The following CSMD1 variants were observed in gnomAD, a reference collection of about 807,000 sequenced individuals.
CSMD1 encodes CUB and sushi domain-containing protein 1.
CSMD1 carries 213 observed loss-of-function variants against 417.5 expected under a neutral mutation model. That is an observed-to-expected ratio of 0.51 (90% CI 0.46 to 0.57). The LOEUF (loss-of-function observed/expected upper bound fraction) is 0.57. CSMD1 is among the 20% of genes least tolerant of loss of function. The pLI is 0.00. For synonymous variants in CSMD1, 2,862 were observed against 1,736.8 expected (o/e 1.65, Z -16.11); for missense variants, 6,923 against 4,529.7 (o/e 1.53, Z -15.17).
chr8:4,019,527 G>A (rs925300586), intron 4 of CSMD1, among the ~76,000 whole-genome samples: 1 of 152,180 alleles, frequency 6.6e-6, no homozygotes, highest in Non-Finnish European at 1.5e-5. Context: ...GGTTACCCAA[G>A]AGACATTCCC....
At chr8:2,953,166 A>T in intron 65 of CSMD1, among the ~76,000 whole-genome samples, 1 of 152,200 alleles carries the variant, frequency 6.6e-6, no homozygotes, top group East Asian at 1.9e-4. Flanking sequence ...CCATTGAAGA[A>T]CATGTTGCCT....
chr8:3,777,686 A>C (rs1234354245), intron 5 of CSMD1, among the ~76,000 whole-genome samples: 1 of 152,224 alleles, frequency 6.6e-6, no homozygotes, highest in Non-Finnish European at 1.5e-5. Flanking sequence ...CTCAGGACCC[A>C]CGCCAGACCT....
intron 1 of CSMD1, among the ~76,000 whole-genome samples, chr8:4,907,946 A>G (rs1805409915): frequency 6.6e-6 from 1 of 152,208 alleles, no homozygotes; most frequent in African/African-American, 2.4e-5. Context: ...GATAGAAAAT[A>G]AAAGTAAGGT....
Position 3,619,805 on chromosome 8 carries a change from G to C in CSMD1, c.1010-3008C>G, listed in dbSNP as rs560613958. Among the ~76,000 whole-genome samples, 334 of 152,304 alleles carry C rather than the reference G, an allele frequency of 2.2e-3. 2 individuals are homozygous for C. The highest frequency in any genetic ancestry group is 7.6e-3 in the African/African-American group (316 of 41,560). On this transcript the variant is annotated intron_variant, in intron 7 of 69. Coordinates refer to ENST00000635120, the MANE Select transcript of CSMD1 (RefSeq NM_033225.6). ...GAAAGCAATGGATAGGCTGGGCACG[G>C]TGGCTCACACAACGTAATATATTCA...
intron 49 of CSMD1, among the ~76,000 whole-genome samples, chr8:3,074,602 A>C (rs1813516189): frequency 6.6e-6 from 1 of 152,224 alleles, no homozygotes. Context: ...ACTTTCAAGA[A>C]ATTGTATCCT....
At chr8:3,847,552 G>A (rs752714510) in intron 5 of CSMD1, among the ~76,000 whole-genome samples, 48 of 152,266 alleles carry the variant, frequency 3.2e-4, no homozygotes, top group Admixed American at 7.8e-4. Flanking sequence ...GACTGAAGGA[G>A]TCCTTGACTG....
intron 1 of CSMD1, among the ~76,000 whole-genome samples, chr8:4,656,341 G>C (rs543947546): frequency 5.3e-5 from 8 of 152,144 alleles, no homozygotes; most frequent in Admixed American, 4.6e-4. Flanking sequence ...GAGAAGGTCA[G>C]ACCAGGCATG....
At chr8:4,049,693 A>C (rs7828738) in intron 3 of CSMD1, among the ~76,000 whole-genome samples, 24,416 of 152,140 alleles carry the variant, frequency 0.16, 2,107 homozygotes, top group Middle Eastern at 0.21. Context: ...ATGAATTCTT[A>C]ATAAATTTTC....
intron 10 of CSMD1, among the ~76,000 whole-genome samples, chr8:3,541,645 C>A (rs563890830): frequency 2.0e-5 from 3 of 149,706 alleles, no homozygotes; most frequent in South Asian, 2.1e-4. Flanking sequence ...CTTCACTAAT[C>A]AAATTAATCA....
chr8:3,205,517 T>G lies in CSMD1; in HGVS notation c.4971A>C (p.Val1657=). Residue 1657 remains valine (V), a synonymous_variant, in exon 31 of 70, where the codon GTA becomes GTC. Coordinates refer to ENST00000635120, the MANE Select transcript of CSMD1 (RefSeq NM_033225.6). ...GGACATCCTTACCGAATTCCTTTGGTACCGTGATGGAATAGAGGCATATTT... is the reference window on the plus strand; with the variant it reads ...GGACATCCTTACCGAATTCCTTTGGGACCGTGATGGAATAGAGGCATATTT... ...AGQICLYSIT[V]PKEFVVFGQF... 6.5e-7 allele frequency: 1 copy of G among 1,548,898 alleles called. No individual in the cohort carries two copies. The highest frequency in any genetic ancestry group is 1.2e-5 in the South Asian group (1 of 85,970).
intron 3 of CSMD1, among the ~76,000 whole-genome samples, chr8:4,224,105 C>G (rs1401687559): frequency 6.6e-6 from 1 of 152,076 alleles, no homozygotes. Flanking sequence ...TTTTGCCAGG[C>G]TAAGAGTAAC....
rs148872498 is a variant in CSMD1 at position 4,755,596 on chromosome 8, A to G, written c.86-118038T>C. On this transcript the variant is annotated intron_variant, in intron 1 of 69. Transcript: ENST00000635120. ...GATGTTCTACTGTCACGTTGATTTT[A>G]TCAGATGGAAAGTTACTTTTCATCG... is the stretch of plus-strand genomic sequence containing the variant. Among the ~76,000 whole-genome samples, 1,153 of 152,240 alleles carry G rather than the reference A, an allele frequency of 7.6e-3. 6 individuals are homozygous for G. Among genetic ancestry groups the G allele is most frequent in the Middle Eastern group, 0.027 (8 of 294 alleles).
At chr8:3,193,641 A>G (rs1482042837) in intron 33 of CSMD1, among the ~76,000 whole-genome samples, 2 of 152,100 alleles carry the variant, frequency 1.3e-5, no homozygotes, top group Non-Finnish European at 2.9e-5. Flanking sequence ...CCAAATTGAA[A>G]TCGGGCCAGT....
At chr8:3,644,966 G>GAAA (rs71203456) in intron 7 of CSMD1, among the ~76,000 whole-genome samples, 1,132 of 64,384 alleles carry the variant, frequency 0.018, 95 homozygotes, top group African/African-American at 0.055. Flanking sequence ...GGCTTTAAAT[G>GAAA]AAAAAAAAAA....
intron 5 of CSMD1, among the ~76,000 whole-genome samples, chr8:3,892,628 A>C (rs1807055073): frequency 6.6e-6 from 1 of 151,764 alleles, no homozygotes; most frequent in Admixed American, 6.6e-5. Context: ...GGTGCACGTC[A>C]GTACTGTTGC....
chr8:3,880,035 C>G (rs1373411729), intron 5 of CSMD1, among the ~76,000 whole-genome samples: 1 of 150,434 alleles, frequency 6.6e-6, no homozygotes, highest in Non-Finnish European at 1.5e-5. Context: ...GTATAAAATC[C>G]TCGAAGATTA....
At chr8:3,028,184 C>T (rs187475364) in intron 51 of CSMD1, among the ~76,000 whole-genome samples, 1 of 152,152 alleles carries the variant, frequency 6.6e-6, no homozygotes, top group African/African-American at 2.4e-5. Context: ...GGTTTGAAAT[C>T]GACAAGATGA....
intron 8 of CSMD1, among the ~76,000 whole-genome samples, chr8:3,614,784 C>G (rs1024615738): frequency 4.6e-5 from 7 of 152,164 alleles, no homozygotes; most frequent in Non-Finnish European, 7.3e-5. Context: ...GTTTTAGTCA[C>G]TGAGGATGCA....
chr8:3,777,370 C>T (rs1297541986), intron 5 of CSMD1, among the ~76,000 whole-genome samples: 1 of 152,082 alleles, frequency 6.6e-6, no homozygotes, highest in Non-Finnish European at 1.5e-5. Flanking sequence ...GATGAGCTAA[C>T]TGCTGCAGGA....
Sources: gnomAD v4.1 joint callset for allele counts (sites outside exome capture counted in the v4.1 genomes callset) on GRCh38, gnomAD v4.1.1 for gene constraint, MANE v1.5 for transcripts, NCBI Gene and HGNC (gene_info 2026-07-23, HGNC 2026-07-21) for gene names.